Variants in PLCL1 observed in about 807,000 individuals in gnomAD.
PLCL1 encodes the protein inactive phospholipase C-like protein 1.
Under a neutral mutation model 84.4 loss-of-function variants are expected in PLCL1, and 41 were observed. The ratio of observed to expected loss-of-function variants is 0.49; its 90% CI spans 0.38 to 0.63. The LOEUF (loss-of-function observed/expected upper bound fraction) is 0.63. PLCL1 is among the 30% of genes least tolerant of loss of function. The pLI, the probability that PLCL1 is intolerant of heterozygous loss-of-function variation, is 0.00. For missense variants in PLCL1, 1,206 were observed against 1,367.8 expected (o/e 0.88, Z 1.87); for synonymous variants, 490 against 488.3 (o/e 1.00, Z -0.05).
intron 1 of PLCL1, among the ~76,000 whole-genome samples, chr2:197,820,856 A>G (rs1002249880): frequency 6.6e-6 from 1 of 152,142 alleles, no homozygotes; most frequent in Non-Finnish European, 1.5e-5. Context: ...GCTTTTTTAC[A>G]AGCTACAGAA....
At chr2:197,888,181 T>C (rs1574932572) in intron 1 of PLCL1, among the ~76,000 whole-genome samples, 2 of 152,294 alleles carry the variant, frequency 1.3e-5, no homozygotes, top group African/African-American at 4.8e-5. Flanking sequence ...CTATTAGCAA[T>C]AATTTTTTTT....
At chr2:197,978,376 C>T (rs1690030171) in intron 1 of PLCL1, among the ~76,000 whole-genome samples, 1 of 152,156 alleles carries the variant, frequency 6.6e-6, no homozygotes, top group Non-Finnish European at 1.5e-5. Flanking sequence ...ACTCGGGAGG[C>T]TGAGGCAGGA....
chr2:197,924,814 G>A (rs1047786877), intron 1 of PLCL1, among the ~76,000 whole-genome samples: 3 of 151,860 alleles, frequency 2.0e-5, no homozygotes, highest in Admixed American at 6.6e-5. Context: ...GAGCATTTCA[G>A]GTATTACATC....
rs1574928462 is a variant in PLCL1 at position 197,880,224 on chromosome 2, T to C, written c.240+74885T>C. On this transcript the variant is annotated intron_variant, in intron 1 of 5. Transcript: ENST00000428675. ...GAGCAGAGCAGTGATCTAATGATTA[T>C]GAAATTAGATTTTTTTTCCCTCTCT... is the stretch of plus-strand genomic sequence containing the variant. Among the ~76,000 whole-genome samples the C allele has an allele frequency of 2.6e-5, 4 of 152,186 alleles. No homozygotes were observed. In the South Asian group the frequency reaches 8.3e-4, roughly 31 times the overall value.
chr2:198,097,496 G>C (rs1693229840), intron 3 of PLCL1, among the ~76,000 whole-genome samples: 2 of 152,152 alleles, frequency 1.3e-5, no homozygotes, highest in South Asian at 4.1e-4. Flanking sequence ...GAAAATTCTG[G>C]AGAAGGTTTA....
chr2:197,839,033 T>C (rs903841929), intron 1 of PLCL1, among the ~76,000 whole-genome samples: 16 of 152,214 alleles, frequency 1.1e-4, no homozygotes, highest in Admixed American at 6.5e-4. Flanking sequence ...CTCTGTTCAG[T>C]TTTTGAATCT....
At chr2:198,133,188 A>G (rs927060844) in intron 5 of PLCL1, among the ~76,000 whole-genome samples, 1 of 152,032 alleles carries the variant, frequency 6.6e-6, no homozygotes, top group Non-Finnish European at 1.5e-5. Context: ...ATGGAATACT[A>G]TGCAGCCATA....
chr2:197,879,688 G>C (rs1167601509), intron 1 of PLCL1, among the ~76,000 whole-genome samples: 1 of 151,838 alleles, frequency 6.6e-6, no homozygotes, highest in South Asian at 2.1e-4. Context: ...CAGGATAAAG[G>C]GCTGTGCAAA....
At chr2:197,869,966 GTTAT>G (rs1469864693) in intron 1 of PLCL1, among the ~76,000 whole-genome samples, 1 of 151,968 alleles carries the variant, frequency 6.6e-6, no homozygotes, top group Non-Finnish European at 1.5e-5. Context: ...TTCCATAAGT[GTTAT>G]TTATCAGAAA....
chr2:198,021,391 T>C (rs1033057908), intron 1 of PLCL1, among the ~76,000 whole-genome samples: 1 of 151,658 alleles, frequency 6.6e-6, no homozygotes, highest in South Asian at 2.1e-4. Context: ...AAGAAATAAC[T>C]AAGATCAGAG....
intron 1 of PLCL1, among the ~76,000 whole-genome samples, chr2:197,947,756 A>G (rs1413730383): frequency 6.6e-6 from 1 of 152,170 alleles, no homozygotes; most frequent in Non-Finnish European, 1.5e-5. Flanking sequence ...AAAAACCTCC[A>G]ACCATACTGG....
At chr2:197,996,336 A>G (rs1264424250) in intron 1 of PLCL1, among the ~76,000 whole-genome samples, 1 of 152,140 alleles carries the variant, frequency 6.6e-6, no homozygotes, top group Non-Finnish European at 1.5e-5. Context: ...GGGTAGTGAA[A>G]CTATTCTGTA....
At chr2:197,859,898 G>A (rs1687397569) in intron 1 of PLCL1, among the ~76,000 whole-genome samples, 2 of 152,112 alleles carry the variant, frequency 1.3e-5, no homozygotes, top group South Asian at 2.1e-4. Context: ...TTTAAGTTCA[G>A]GGGTACATGT....
chr2:198,048,293 G>A (rs1691852551), intron 1 of PLCL1, among the ~76,000 whole-genome samples: 1 of 152,168 alleles, frequency 6.6e-6, no homozygotes, highest in African/African-American at 2.4e-5. Context: ...AGCAGGTTTG[G>A]TGTCTGGTAA....
intron 5 of PLCL1, among the ~76,000 whole-genome samples, chr2:198,132,654 G>A (rs1009568465): frequency 6.6e-6 from 1 of 152,126 alleles, no homozygotes; most frequent in Non-Finnish European, 1.5e-5. Context: ...TTTGGTGAAT[G>A]TATGGTGAAT....
intron 1 of PLCL1, among the ~76,000 whole-genome samples, chr2:198,063,555 T>C (rs753906218): frequency 6.6e-6 from 1 of 152,200 alleles, no homozygotes; most frequent in Non-Finnish European, 1.5e-5. Context: ...GTTGAGATTC[T>C]GAAAGTTCAG....
intron 1 of PLCL1, among the ~76,000 whole-genome samples, chr2:197,931,877 G>C (rs1688942642): frequency 6.6e-6 from 1 of 152,098 alleles, no homozygotes; most frequent in African/African-American, 2.4e-5. Flanking sequence ...GGTTTAAATT[G>C]TTAAGGTTAA....
At chr2:198,051,780 G>T (rs1691937597) in intron 1 of PLCL1, among the ~76,000 whole-genome samples, 1 of 152,146 alleles carries the variant, frequency 6.6e-6, no homozygotes, top group Admixed American at 6.5e-5. Flanking sequence ...CTGTCGCCAG[G>T]CTGGAGTGCA....
At chr2:197,951,555 G>A (rs1290612015) in intron 1 of PLCL1, among the ~76,000 whole-genome samples, 1 of 152,186 alleles carries the variant, frequency 6.6e-6, no homozygotes, top group African/African-American at 2.4e-5. Context: ...AAGCCGGTCT[G>A]CAGTGAGAAG....
Sources: allele counts gnomAD v4.1 joint callset (sites outside exome capture counted in the v4.1 genomes callset), GRCh38; gene constraint gnomAD v4.1.1; transcripts MANE v1.5; gene names NCBI Gene and HGNC (gene_info 2026-07-23, HGNC 2026-07-21).